Variants in CLVS1 observed in about 807,000 individuals in gnomAD.
CLVS1 encodes clavesin 1.
In CLVS1, 10 loss-of-function variants were observed where a neutral mutation model predicts 33.1. The observed-to-expected ratio is 0.30, with a 90% CI of 0.19 to 0.51. The LOEUF is 0.51. CLVS1 is among the 20% of genes least tolerant of loss of function. The probability of loss-of-function intolerance (pLI) is 0.97; values close to 1 mark genes in which losing one functional copy is unlikely to be tolerated. For missense variants in CLVS1, 343 were observed against 433.4 expected (o/e 0.79, Z 1.85); for synonymous variants, 163 against 166.1 (o/e 0.98, Z 0.14).
At chr8:61,355,561 C>T (rs541237094) in intron 2 of CLVS1, among the ~76,000 whole-genome samples, 4 of 152,212 alleles carry the variant, frequency 2.6e-5, no homozygotes, top group African/African-American at 9.6e-5. Flanking sequence ...CTATCTCTCC[C>T]CTCTTCCCCC....
chr8:61,265,252 C>T (rs569792405), intron 2 of CLVS1, among the ~76,000 whole-genome samples: 12 of 152,246 alleles, frequency 7.9e-5, no homozygotes, highest in African/African-American at 2.6e-4. Context: ...ACCATTCACC[C>T]GCTGGTTCAG....
At chr8:61,346,441 G>T (rs555884116) in intron 2 of CLVS1, among the ~76,000 whole-genome samples, 2 of 152,170 alleles carry the variant, frequency 1.3e-5, no homozygotes, top group East Asian at 3.9e-4. Context: ...AACAGGGATG[G>T]GAGTCTTCTG....
rs112600402 is a variant in CLVS1, at chr8:61,381,157, CT to C, written c.630+4388del. Among the ~76,000 whole-genome samples the C allele has an allele frequency of 5.8e-3, 859 of 148,302 alleles. 9 individuals carry two copies. Among genetic ancestry groups the C allele is most frequent in the African/African-American group, 0.018 (716 of 40,628 alleles). On this transcript the variant is annotated intron_variant, in intron 3 of 5. Coordinates refer to ENST00000325897, the MANE Select transcript of CLVS1 (RefSeq NM_173519.3). ...CTTTATTCAAGGTTTATTGTGTGAC[CT>C]TTTTTTTTTCTGTTAAAGATGTTTT...
intron 1 of CLVS1, among the ~76,000 whole-genome samples, chr8:61,298,154 T>G (rs1053581294): frequency 2.0e-5 from 3 of 151,712 alleles, no homozygotes; most frequent in Non-Finnish European, 4.4e-5. Flanking sequence ...AGGAAGACAT[T>G]GGGTAAGGCT....
chr8:61,361,771 G>A (rs1019177333), intron 2 of CLVS1, among the ~76,000 whole-genome samples: 4 of 152,114 alleles, frequency 2.6e-5, no homozygotes, highest in Non-Finnish European at 5.9e-5. Context: ...ATATATGCAT[G>A]TGATATATAT....
At chr8:61,165,929 A>C (rs908068358) in intron 2 of CLVS1, among the ~76,000 whole-genome samples, 7 of 151,794 alleles carry the variant, frequency 4.6e-5, no homozygotes, top group African/African-American at 1.7e-4. Context: ...CATACATGTT[A>C]TCAGCCTTTT....
chr8:61,090,995 C>CG (rs1335193129), intron 1 of CLVS1: 12 of 489,234 alleles, frequency 2.5e-5, no homozygotes, highest in Admixed American at 2.2e-4. Context: ...CATGCCCCCC[C>CG]ACCAATACAT....
chr8:61,477,462 T>A (rs117386088), intron 5 of CLVS1, among the ~76,000 whole-genome samples: 4,664 of 152,324 alleles, frequency 0.031, 99 homozygotes, highest in Middle Eastern at 0.078. Flanking sequence ...TATTAATTAT[T>A]GCCTCAATTC....
the CLVS1 span, among the ~76,000 whole-genome samples, chr8:60,999,889 G>A: frequency 3.3e-5 from 5 of 152,198 alleles, no homozygotes; most frequent in Non-Finnish European, 5.9e-5. Flanking sequence ...GGGGAGAAAC[G>A]ACTGGGTGAA....
Position 61,376,585 on chromosome 8 carries a change from C to T in CLVS1, c.456-20C>T, listed in dbSNP as rs1813654254. On this transcript the variant is annotated intron_variant, in intron 2 of 5. Coordinates refer to ENST00000325897, the MANE Select transcript of CLVS1 (RefSeq NM_173519.3). ...CCTGCTCATATTCACACACAGCTCT[C>T]CTTTCTGCTCTGGCTGCAGGAACTC... 1.9e-6 allele frequency: 3 copies of T among 1,609,648 alleles called. No homozygotes were observed. The highest frequency in any genetic ancestry group is 1.1e-5 in the South Asian group (1 of 90,434).
chr8:61,084,473 T>C (rs1805081337), intron 1 of CLVS1, among the ~76,000 whole-genome samples: 1 of 151,774 alleles, frequency 6.6e-6, no homozygotes, highest in South Asian at 2.1e-4. Flanking sequence ...GAGGAGAGAG[T>C]TCTACTACTA....
chr8:61,132,297 C>A (rs568151237), intron 2 of CLVS1, among the ~76,000 whole-genome samples: 167 of 152,292 alleles, frequency 1.1e-3, no homozygotes, highest in Middle Eastern at 3.4e-3. Context: ...TGGTGAAAAC[C>A]GATGCTGGGG....
chr8:61,426,861 CAG>C (rs1815915890), intron 3 of CLVS1, among the ~76,000 whole-genome samples: 1 of 152,170 alleles, frequency 6.6e-6, no homozygotes, highest in African/African-American at 2.4e-5. Context: ...GAGTTTTACA[CAG>C]AGCCTGGTAC....
At chr8:61,018,323 T>C in the CLVS1 span, among the ~76,000 whole-genome samples, 3 of 152,170 alleles carry the variant, frequency 2.0e-5, no homozygotes, top group Non-Finnish European at 2.9e-5. Context: ...AAGTTTCAAA[T>C]ATACACAAAT....
intron 2 of CLVS1, among the ~76,000 whole-genome samples, chr8:61,219,610 T>C (rs1291647025): frequency 3.3e-5 from 5 of 152,174 alleles, no homozygotes; most frequent in African/African-American, 9.6e-5. Flanking sequence ...AATAAACATA[T>C]GTGTGTATGT....
At chr8:61,311,949 G>A (rs541533440) in intron 2 of CLVS1, among the ~76,000 whole-genome samples, 12 of 152,342 alleles carry the variant, frequency 7.9e-5, no homozygotes, top group South Asian at 4.1e-4. Context: ...TAGAAAGGGC[G>A]TTTTAAAAAC....
intron 2 of CLVS1, among the ~76,000 whole-genome samples, chr8:61,208,597 T>C (rs1807906255): frequency 6.6e-6 from 1 of 152,074 alleles, no homozygotes; most frequent in South Asian, 2.1e-4. Flanking sequence ...CATTTTTTTT[T>C]CTTTTTTTTT....
chr8:61,158,204 C>T (rs1025561467), intron 2 of CLVS1, among the ~76,000 whole-genome samples: 2 of 152,092 alleles, frequency 1.3e-5, no homozygotes, highest in African/African-American at 4.8e-5. Flanking sequence ...TGAAAGAAGC[C>T]AGATCCCCCA....
At chr8:61,120,966 C>T (rs79144771) in intron 1 of CLVS1, among the ~76,000 whole-genome samples, 2 of 149,830 alleles carry the variant, frequency 1.3e-5, no homozygotes, top group African/African-American at 5.0e-5. Flanking sequence ...GTGCCCCTCC[C>T]CCAGCCTCGC....
Sources: gnomAD v4.1 joint callset for allele counts (sites outside exome capture counted in the v4.1 genomes callset) on GRCh38, gnomAD v4.1.1 for gene constraint, MANE v1.5 for transcripts, NCBI Gene and HGNC (gene_info 2026-07-23, HGNC 2026-07-21) for gene names.